The following MACROD2 variants were observed in gnomAD, a reference collection of about 807,000 sequenced individuals.
MACROD2 encodes the protein ADP-ribose glycohydrolase MACROD2.
In MACROD2, 36 loss-of-function variants were observed where a neutral mutation model predicts 70.4. The observed-to-expected ratio is 0.51, with a 90% confidence interval of 0.39 to 0.68. The LOEUF (loss-of-function observed/expected upper bound fraction) is 0.68, where lower values mean the gene tolerates loss of function less well. Ranked by LOEUF, MACROD2 falls within the 30% of genes least tolerant of loss-of-function variation. The pLI is 0.00. For missense variants in MACROD2, 496 were observed against 538.4 expected (o/e 0.92, Z 0.78); for synonymous variants, 172 against 178.8 (o/e 0.96, Z 0.30).
intron 8 of MACROD2, among the ~76,000 whole-genome samples, chr20:15,701,369 G>T (rs541945828): frequency 1.3e-5 from 2 of 152,284 alleles, no homozygotes; most frequent in South Asian, 4.1e-4. Context: ...AAAATTTAGT[G>T]AGATTTAAAG....
chr20:15,502,084 G>GA (rs969656294), intron 8 of MACROD2, among the ~76,000 whole-genome samples: 8 of 151,008 alleles, frequency 5.3e-5, no homozygotes, highest in Admixed American at 2.0e-4. Flanking sequence ...TGGTAGTCTA[G>GA]AAAAAAAAAT....
chr20:14,297,313 A>C lies in MACROD2; in HGVS notation c.272-196166A>C, dbSNP rs531501409. On this transcript the variant is annotated intron_variant, in intron 3 of 17. Coordinates refer to ENST00000684519, the MANE Select transcript of MACROD2 (RefSeq NM_001351661.2). ...CACTTAAAATCAAAAGCTAGACATG[A>C]TTAACCTTAGTGAGAAAGCCATGTC... is the stretch of plus-strand genomic sequence containing the variant. Among the ~76,000 whole-genome samples the C allele has an allele frequency of 3.4e-4, 52 of 152,078 alleles. 3 individuals carry two copies. The highest frequency in any genetic ancestry group is 1.2e-3 in the African/African-American group (50 of 41,366).
chr20:14,271,648 G>A (rs554688373), intron 3 of MACROD2, among the ~76,000 whole-genome samples: 1 of 152,338 alleles, frequency 6.6e-6, no homozygotes, highest in South Asian at 2.1e-4. Context: ...AATGGAGAAT[G>A]ACTTTGACGA....
chr20:14,946,799 A>C (rs1321347566), intron 5 of MACROD2, among the ~76,000 whole-genome samples: 1 of 152,218 alleles, frequency 6.6e-6, no homozygotes, highest in Non-Finnish European at 1.5e-5. Flanking sequence ...TTTAAAGTTT[A>C]TTTCTTTTAA....
At chr20:14,443,009 G>A (rs1051708546) in intron 3 of MACROD2, among the ~76,000 whole-genome samples, 2 of 151,586 alleles carry the variant, frequency 1.3e-5, no homozygotes, top group Non-Finnish European at 2.9e-5. Context: ...AACCCGGGAG[G>A]CGGAGGTTGC....
rs550516473 is a variant in MACROD2 at position 14,213,559 on chromosome 20, A to G, written c.271+127831A>G. ...ATAGCAAGCAACCTTGTTGAACCAAATAGTTCTGTGAGAGTTGGCAAATCT... is the reference window on the plus strand; with the variant it reads ...ATAGCAAGCAACCTTGTTGAACCAAGTAGTTCTGTGAGAGTTGGCAAATCT... On this transcript the variant is annotated intron_variant, in intron 3 of 17. Transcript: ENST00000684519. 2.0e-5 allele frequency among the ~76,000 whole-genome samples: 3 copies of G among 151,910 alleles called. No individual in the cohort carries two copies. In the East Asian group the frequency reaches 5.8e-4, roughly 29 times the overall value.
At chr20:15,445,657 C>T (rs1462993595) in intron 7 of MACROD2, among the ~76,000 whole-genome samples, 2 of 152,080 alleles carry the variant, frequency 1.3e-5, no homozygotes, top group Admixed American at 6.6e-5. Flanking sequence ...CCAATGCTTG[C>T]GTTTCGTTGG....
chr20:14,058,212 T>G (rs2053652163), intron 2 of MACROD2, among the ~76,000 whole-genome samples: 1 of 152,236 alleles, frequency 6.6e-6, no homozygotes, highest in East Asian at 1.9e-4. Flanking sequence ...ATATGTATGC[T>G]TCAATAAAAC....
At chr20:14,833,826 CTTAT>C (rs2072998736) in intron 5 of MACROD2, among the ~76,000 whole-genome samples, 1 of 151,982 alleles carries the variant, frequency 6.6e-6, no homozygotes, top group Admixed American at 6.6e-5. Context: ...ACTATTTCAA[CTTAT>C]TTGTTACTAA....
chr20:14,776,317 A>G lies in MACROD2; in HGVS notation c.418+91358A>G, dbSNP rs918977728. Among the ~76,000 whole-genome samples, 4 of 152,030 alleles carry G rather than the reference A, an allele frequency of 2.6e-5. 1 individual carries two copies. Among genetic ancestry groups the G allele is most frequent in the African/African-American group, 7.3e-5 (3 of 41,360 alleles). On this transcript the variant is annotated intron_variant, in intron 5 of 17. Coordinates refer to ENST00000684519, the MANE Select transcript of MACROD2 (RefSeq NM_001351661.2). The stretch of plus-strand genomic sequence containing the variant: ...ATCTTGGGTCTCCTAACAACTTGAC[A>G]TGAGTAGTTTAATATGTTGAAACTT...
intron 5 of MACROD2, among the ~76,000 whole-genome samples, chr20:14,701,099 A>G (rs2071191274): frequency 6.6e-6 from 1 of 152,178 alleles, no homozygotes; most frequent in South Asian, 2.1e-4. Flanking sequence ...AATATACAAA[A>G]TATAAGTGGG....
chr20:15,068,186 A>G (rs2075592285), intron 5 of MACROD2, among the ~76,000 whole-genome samples: 1 of 152,108 alleles, frequency 6.6e-6, no homozygotes, highest in South Asian at 2.1e-4. Flanking sequence ...ATTTTTTCAT[A>G]TGCTTTTGGG....
At chr20:15,880,871 CT>C (rs780681348) in intron 9 of MACROD2, among the ~76,000 whole-genome samples, 53 of 152,182 alleles carry the variant, frequency 3.5e-4, no homozygotes, top group Non-Finnish European at 1.2e-4. Context: ...TGTAGCCTTT[CT>C]TTTTCCCTAC....
chr20:15,091,380 T>G lies in MACROD2; in HGVS notation c.419-138560T>G, dbSNP rs138824005. ...AAAAAAAAATGAAAAATAAAAGTTTTTATGTGATCCAACTAGGACAGTTAA... is the reference window on the plus strand; with the variant it reads ...AAAAAAAAATGAAAAATAAAAGTTTGTATGTGATCCAACTAGGACAGTTAA... On this transcript the variant is annotated intron_variant, in intron 5 of 17. Coordinates refer to ENST00000684519, the MANE Select transcript of MACROD2 (RefSeq NM_001351661.2). Among the ~76,000 whole-genome samples, 318 of 152,256 alleles carry G rather than the reference T, an allele frequency of 2.1e-3. 1 individual carries two copies. The highest frequency in any genetic ancestry group is 7.1e-3 in the African/African-American group (296 of 41,576).
chr20:14,587,767 T>C (rs746375216), intron 4 of MACROD2, among the ~76,000 whole-genome samples: 2 of 152,048 alleles, frequency 1.3e-5, no homozygotes, highest in Non-Finnish European at 2.9e-5. Flanking sequence ...TTGATCATGA[T>C]ACATTAATCT....
At chr20:15,932,711 A>G (rs186327516) in intron 10 of MACROD2, among the ~76,000 whole-genome samples, 2 of 152,354 alleles carry the variant, frequency 1.3e-5, no homozygotes, top group Non-Finnish European at 2.9e-5. Context: ...GATAGTTGCT[A>G]ATATACAGCC....
chr20:15,831,741 A>G (rs6043559), intron 8 of MACROD2, among the ~76,000 whole-genome samples: 108,909 of 151,936 alleles, frequency 0.72, 39,301 homozygotes, highest in East Asian at 0.86. Context: ...TTGTGAACAC[A>G]CCTGACTGTT....
intron 10 of MACROD2, among the ~76,000 whole-genome samples, chr20:15,890,988 C>T (rs1441453554): frequency 6.6e-6 from 1 of 151,996 alleles, no homozygotes; most frequent in Admixed American, 6.6e-5. Flanking sequence ...GACAAGTGCC[C>T]TTTTCTCATG....
chr20:15,922,686 A>G (rs1470835860), intron 10 of MACROD2, among the ~76,000 whole-genome samples: 1 of 152,216 alleles, frequency 6.6e-6, no homozygotes, highest in Non-Finnish European at 1.5e-5. Flanking sequence ...TTAGGTGCTT[A>G]AGAGCACCTG....
Sources: gnomAD v4.1 joint callset for allele counts (sites outside exome capture counted in the v4.1 genomes callset) on GRCh38, gnomAD v4.1.1 for gene constraint, MANE v1.5 for transcripts, NCBI Gene and HGNC (gene_info 2026-07-23, HGNC 2026-07-21) for gene names.